Variants in FAM185A observed in about 807,000 individuals in gnomAD.
The protein encoded by FAM185A is protein FAM185A.
FAM185A carries 21 observed loss-of-function variants against 45.7 expected under a neutral mutation model. The observed-to-expected ratio is 0.46, with a 90% CI of 0.33 to 0.66. The LOEUF (loss-of-function observed/expected upper bound fraction) is 0.66, where lower values mean the gene tolerates loss of function less well. Ranked by LOEUF, FAM185A falls within the 30% of genes least tolerant of loss-of-function variation. The pLI is 0.03. For missense variants in FAM185A, 305 were observed against 485.4 expected, an observed-to-expected ratio of 0.63 and a Z score of 3.49; for synonymous variants, 117 against 194.0, an observed-to-expected ratio of 0.60 and a Z score of 3.30.
At chr7:102,792,864 G>A (rs1562872558) in intron 7 of FAM185A, among the ~76,000 whole-genome samples, 1 of 152,116 alleles carries the variant, frequency 6.6e-6, no homozygotes. Flanking sequence ...TGGAATACTC[G>A]TTCATGGGTT....
the FAM185A span, among the ~76,000 whole-genome samples, chr7:102,823,075 AC>A: frequency 1.3e-5 from 2 of 151,578 alleles, no homozygotes; most frequent in African/African-American, 4.8e-5. Context: ...TGCCCTGCCC[AC>A]CCCCCACACA....
At chr7:102,815,099 C>G in the FAM185A span, among the ~76,000 whole-genome samples, 2 of 152,068 alleles carry the variant, frequency 1.3e-5, no homozygotes, top group African/African-American at 4.8e-5. Context: ...ATGTAACAAA[C>G]AGCAAGGCTC....
At chr7:102,835,603 G>GTTTTTTTTTTTTTTT in the FAM185A span, among the ~76,000 whole-genome samples, 1 of 97,524 alleles carries the variant, frequency 1.0e-5, no homozygotes, top group Non-Finnish European at 1.9e-5. Context: ...AGGTGACATT[G>GTTTTTTTTTTTTTTT]TTTTTTTTTT....
chr7:102,767,554 G>A (rs1794487322), intron 4 of FAM185A, among the ~76,000 whole-genome samples: 1 of 148,634 alleles, frequency 6.7e-6, no homozygotes, highest in Non-Finnish European at 1.5e-5. Flanking sequence ...TTCCACCTCT[G>A]TGATAATTGG....
At chr7:102,846,272 C>A in the FAM185A span, among the ~76,000 whole-genome samples, 1 of 152,122 alleles carries the variant, frequency 6.6e-6, no homozygotes, top group African/African-American at 2.4e-5. Context: ...AAAGTCTAAT[C>A]CAAAATGTTT....
At chr7:102,812,837 CTTCT>C (rs983652183), downstream of FAM185A, among the ~76,000 whole-genome samples, 2 of 143,094 alleles carry the variant, frequency 1.4e-5, no homozygotes, top group African/African-American at 5.1e-5. Flanking sequence ...CTTGATTTGG[CTTCT>C]TTTTTTTTTT....
At chr7:102,798,905 G>A (rs1238798261) in intron 7 of FAM185A, among the ~76,000 whole-genome samples, 6 of 151,836 alleles carry the variant, frequency 4.0e-5, no homozygotes, top group African/African-American at 7.3e-5. Flanking sequence ...CTGCCACCAC[G>A]CCCAGCTAAT....
At chr7:102,782,717 C>G (rs1279882614) in intron 6 of FAM185A, among the ~76,000 whole-genome samples, 1 of 152,062 alleles carries the variant, frequency 6.6e-6, no homozygotes, top group Admixed American at 6.5e-5. Context: ...TGAAGACCAT[C>G]GAGGCTAGGA....
chr7:102,781,437 G>A (rs1338881389), intron 6 of FAM185A, among the ~76,000 whole-genome samples: 4 of 152,134 alleles, frequency 2.6e-5, no homozygotes, highest in Admixed American at 6.5e-5. Context: ...CACCTCACAC[G>A]GCCAGGTACT....
chr7:102,774,734 T>C (rs1162194878), intron 5 of FAM185A, among the ~76,000 whole-genome samples: 1 of 152,138 alleles, frequency 6.6e-6, no homozygotes, highest in East Asian at 1.9e-4. Flanking sequence ...CCAACTATAC[T>C]GACTGATTTT....
the FAM185A span, among the ~76,000 whole-genome samples, chr7:102,826,863 G>A: frequency 1.0e-3 from 149 of 145,104 alleles, no homozygotes; most frequent in African/African-American, 3.4e-3. Flanking sequence ...ATATTTCCAA[G>A]AGAGGGAGAG....
At chr7:102,757,420 G>A (rs1793821477) in intron 2 of FAM185A, among the ~76,000 whole-genome samples, 1 of 152,206 alleles carries the variant, frequency 6.6e-6, no homozygotes, top group Non-Finnish European at 1.5e-5. Flanking sequence ...TTGTCGTGAG[G>A]ATTAAATGAT....
chr7:102,819,954 C>T, the FAM185A span, among the ~76,000 whole-genome samples: 1 of 152,202 alleles, frequency 6.6e-6, no homozygotes, highest in Non-Finnish European at 1.5e-5. Flanking sequence ...GGCCCCCTTA[C>T]AGCTTCTCTA....
the FAM185A span, among the ~76,000 whole-genome samples, chr7:102,832,505 CA>C: frequency 3.9e-5 from 6 of 152,234 alleles, no homozygotes; most frequent in African/African-American, 1.4e-4. Flanking sequence ...CTTAATGCAA[CA>C]TTCTTTCATC....
intron 4 of FAM185A, among the ~76,000 whole-genome samples, chr7:102,766,846 A>C (rs1384268950): frequency 6.6e-6 from 1 of 151,706 alleles, no homozygotes. Context: ...CCCAGGCTTG[A>C]GTGTGATGGC....
At chr7:102,794,715 G>A (rs1484843318) in intron 7 of FAM185A, among the ~76,000 whole-genome samples, 1 of 152,154 alleles carries the variant, frequency 6.6e-6, no homozygotes, top group African/African-American at 2.4e-5. Flanking sequence ...GTACACAAAT[G>A]TTCATAGCTT....
chr7:102,834,952 C>A, the FAM185A span, among the ~76,000 whole-genome samples: 3 of 149,566 alleles, frequency 2.0e-5, no homozygotes, highest in East Asian at 2.0e-4. Context: ...TAAATATATA[C>A]AATTTTTATT....
At chr7:102,832,764 G>A in the FAM185A span, 3 of 1,568,048 alleles carry the variant, frequency 1.9e-6, no homozygotes, top group Non-Finnish European at 8.7e-7. Flanking sequence ...TCTGAGTCCA[G>A]CCCTGATCGC....
chr7:102,814,141 A>G (rs1797673253), downstream of FAM185A, among the ~76,000 whole-genome samples: 1 of 152,236 alleles, frequency 6.6e-6, no homozygotes, highest in African/African-American at 2.4e-5. Flanking sequence ...TCAGAAAAAA[A>G]GTAGGTCTAA....
Sources: gnomAD v4.1 joint callset for allele counts (sites outside exome capture counted in the v4.1 genomes callset) on GRCh38, gnomAD v4.1.1 for gene constraint, MANE v1.5 for transcripts, NCBI Gene and HGNC (gene_info 2026-07-23, HGNC 2026-07-21) for gene names.